MYCBP2: variants seen among roughly 807,000 people sequenced by gnomAD.
MYCBP2 encodes E3 ubiquitin-protein ligase MYCBP2.
A neutral mutation model predicts 525.3 loss-of-function variants in MYCBP2; 120 were observed. The observed-to-expected ratio is 0.23, with a 90% CI of 0.20 to 0.27. MYCBP2 has a LOEUF of 0.27. MYCBP2 is among the 10% of genes least tolerant of loss of function. MYCBP2 has a pLI of 1.00. For synonymous variants in MYCBP2, 1,894 were observed against 1,955.8 expected, an observed-to-expected ratio of 0.97 and a Z score of 0.83; for missense variants, 4,149 against 5,657.1, an observed-to-expected ratio of 0.73 and a Z score of 8.55.
chr13:77,123,294 T>C (rs892817832), intron 54 of MYCBP2, among the ~76,000 whole-genome samples: 1 of 152,176 alleles, frequency 6.6e-6, no homozygotes, highest in African/African-American at 2.4e-5. Flanking sequence ...TCACCAAATA[T>C]CCATATTTAT....
chr13:77,126,608 T>C (rs1249082700), intron 52 of MYCBP2, 66 bp from the exon 53 acceptor site: 22 of 1,231,098 alleles, frequency 1.8e-5, no homozygotes, highest in Non-Finnish European at 2.4e-5. Flanking sequence ...AAAGCCTTCC[T>C]ATTAATAGCT....
intron 41 of MYCBP2, 118 bp downstream of exon 41, chr13:77,166,211 G>A (rs772357069): frequency 2.2e-5 from 16 of 735,800 alleles, no homozygotes; most frequent in Non-Finnish European, 3.3e-5. Context: ...CAGATACATA[G>A]TAGGTCTTTA....
intron 61 of MYCBP2, 34 bp from the exon 62 acceptor site, chr13:77,087,667 A>T (rs2044563798): frequency 6.3e-7 from 1 of 1,581,040 alleles, no homozygotes; most frequent in South Asian, 1.2e-5. Context: ...GTTCAAGAAT[A>T]AAATACATGA....
chr13:77,061,380 A>T (rs2039268569), intron 75 of MYCBP2, 79 bp from the exon 76 acceptor site: 1 of 1,219,578 alleles, frequency 8.2e-7, no homozygotes, highest in African/African-American at 1.6e-5. Context: ...TAATTATTCA[A>T]TAATAATAAT....
intron 80 of MYCBP2, among the ~76,000 whole-genome samples, chr13:77,053,061 C>A (rs867684115): frequency 1.4e-4 from 22 of 151,790 alleles, no homozygotes; most frequent in African/African-American, 4.4e-4. Flanking sequence ...TTGTTTGAGC[C>A]CAGGAGGTGG....
chr13:77,226,059 A>G (rs2066222084), intron 18 of MYCBP2, among the ~76,000 whole-genome samples: 1 of 152,178 alleles, frequency 6.6e-6, no homozygotes, highest in African/African-American at 2.4e-5. Context: ...ACTCAACTGA[A>G]CTTTTCAAAA....
intron 55 of MYCBP2, 90 bp from the exon 56 acceptor site, chr13:77,099,103 C>T (rs1402903473): frequency 6.7e-7 from 1 of 1,496,782 alleles, no homozygotes; most frequent in Non-Finnish European, 9.0e-7. Flanking sequence ...AAAAACATAG[C>T]TACAAAATTT....
chr13:77,273,909 G>A lies in MYCBP2; in HGVS notation c.749-241C>T, dbSNP rs895216951. Among the ~76,000 whole-genome samples, 4 of 152,020 alleles carry A rather than the reference G, an allele frequency of 2.6e-5. No individual in the cohort carries two copies. The South Asian group carries it at 6.2e-4, about 24-fold the overall frequency. On this transcript the variant is annotated intron_variant, in intron 4 of 82. Transcript: ENST00000544440. ...TCTTAGTAAAAAAAGACAATCTAAG[G>A]TCTTTTAAAACAAGCTTGCCTAGAG...
chr13:77,187,737 T>A (rs930249912), intron 30 of MYCBP2, among the ~76,000 whole-genome samples: 2 of 152,076 alleles, frequency 1.3e-5, no homozygotes, highest in East Asian at 1.9e-4. Context: ...ACTAATAAGT[T>A]TTTTTGCATA....
chr13:77,240,082 C>A (rs1388670473), intron 17 of MYCBP2, among the ~76,000 whole-genome samples: 1 of 152,032 alleles, frequency 6.6e-6, no homozygotes, highest in African/African-American at 2.4e-5. Flanking sequence ...GTAAGTATAT[C>A]ATATTCATCT....
chr13:77,118,995 T>C (rs9600817), intron 55 of MYCBP2, among the ~76,000 whole-genome samples: 4,065 of 152,314 alleles, frequency 0.027, 198 homozygotes, highest in African/African-American at 0.091. Context: ...CATAGCAATG[T>C]GTTTACATTA....
intron 62 of MYCBP2, among the ~76,000 whole-genome samples, chr13:77,085,264 C>T (rs1254973617): frequency 2.0e-5 from 3 of 151,974 alleles, no homozygotes; most frequent in Non-Finnish European, 4.4e-5. Context: ...GTTTTGTTAT[C>T]TAATTCTTAT....
chr13:77,169,764 A>C (rs1333091914), intron 38 of MYCBP2, 50 bp from the exon 39 acceptor site: 26 of 1,393,638 alleles, frequency 1.9e-5, no homozygotes, highest in Non-Finnish European at 2.5e-5. Flanking sequence ...AGGTAATTTC[A>C]TTGTACTGCA....
chr13:77,211,047 T>TA, intron 23 of MYCBP2, 120 bp downstream of exon 23: 1 of 673,062 alleles, frequency 1.5e-6, no homozygotes, highest in Non-Finnish European at 2.1e-6. Context: ...GAATTGCAGT[T>TA]ATTAGATAAA....
At chr13:77,170,408 G>A (rs2059016657) in intron 38 of MYCBP2, among the ~76,000 whole-genome samples, 2 of 152,160 alleles carry the variant, frequency 1.3e-5, no homozygotes, top group African/African-American at 4.8e-5. Context: ...TCCTAGGTCT[G>A]CTGTTATATC....
At chr13:77,129,485 C>A in intron 52 of MYCBP2, 1 of 280,542 alleles carries the variant, frequency 3.6e-6, no homozygotes, top group East Asian at 5.8e-5. Context: ...AAGAGCCAGA[C>A]GTTGTTATAA....
intron 26 of MYCBP2, among the ~76,000 whole-genome samples, chr13:77,202,965 T>C (rs972959947): frequency 1.3e-5 from 2 of 151,926 alleles, no homozygotes; most frequent in Non-Finnish European, 2.9e-5. Flanking sequence ...ACTGGAAGCA[T>C]TCCCTTTGAA....
intron 53 of MYCBP2, 108 bp downstream of exon 53, chr13:77,126,210 A>C: frequency 1.2e-6 from 1 of 824,116 alleles, no homozygotes; most frequent in Non-Finnish European, 1.9e-6. Context: ...AAAATACATT[A>C]ACATTGAAAA....
chr13:77,206,896 C>G, intron 23 of MYCBP2, 71 bp from the exon 24 acceptor site: 3 of 1,273,040 alleles, frequency 2.4e-6, no homozygotes, highest in Non-Finnish European at 3.2e-6. Context: ...TAAAACATAA[C>G]TGATGATACA....
Sources: allele counts gnomAD v4.1 joint callset (sites outside exome capture counted in the v4.1 genomes callset), GRCh38; gene constraint gnomAD v4.1.1; transcripts MANE v1.5; gene names NCBI Gene and HGNC (gene_info 2026-07-23, HGNC 2026-07-21).